MROH7: variants seen among roughly 807,000 people sequenced by gnomAD.
The protein encoded by MROH7 is maestro heat like repeat family member 7.
A neutral mutation model predicts 129.2 loss-of-function variants in MROH7; 113 were observed. That is an observed-to-expected ratio of 0.87 (90% CI 0.75 to 1.02). The LOEUF (loss-of-function observed/expected upper bound fraction) is 1.02. MROH7 is among the 50% of genes least tolerant of loss of function. The pLI, the probability that MROH7 is intolerant of heterozygous loss-of-function variation, is 0.00. For missense variants in MROH7, 1,601 were observed against 1,671.3 expected (o/e 0.96, Z 0.73); for synonymous variants, 655 against 667.9 (o/e 0.98, Z 0.30).
intron 21 of MROH7, among the ~76,000 whole-genome samples, chr1:54,704,896 T>C (rs1362354335): frequency 7.4e-6 from 1 of 135,632 alleles, no homozygotes; most frequent in Non-Finnish European, 1.5e-5. Context: ...GCCTCCCAGG[T>C]TCAAGTGATT....
intron 10 of MROH7, among the ~76,000 whole-genome samples, chr1:54,677,801 C>G (rs1557709742): frequency 6.6e-6 from 1 of 152,082 alleles, no homozygotes; most frequent in Non-Finnish European, 1.5e-5. Context: ...GTGCCGGGTA[C>G]TATTCTAGGA....
intron 20 of MROH7, among the ~76,000 whole-genome samples, 172 bp downstream of exon 20, chr1:54,702,417 G>A (rs1260105372): frequency 6.6e-6 from 1 of 152,154 alleles, no homozygotes; most frequent in Non-Finnish European, 1.5e-5. Flanking sequence ...AACACGGCCA[G>A]CTTCTGGTCA....
Position 54,700,323 on chromosome 1 carries a change from C to A in MROH7, c.2967C>A (p.Leu989=). Residue 989 remains leucine (L), a splice_region_variant and synonymous_variant, in exon 18 of 24, where the codon CTC becomes CTA. Transcript: ENST00000421030. The stretch of plus-strand genomic sequence containing the variant: ...GTAATGACCCTTTGCTCCCTCAGCT[C>A]CTCCAGATGGAGCAGGTGCGCCGGA... ...RITATAFFVE[L]LQMEQVRRIP... 2 of 1,614,140 alleles carry A rather than the reference C, an allele frequency of 1.2e-6. No homozygotes were observed. Among genetic ancestry groups the A allele is most frequent in the Non-Finnish European group, 1.7e-6 (2 of 1,180,018 alleles).
chr1:54,686,401 C>A lies in MROH7; in HGVS notation c.2664C>A (p.Pro888=). The A allele has an allele frequency of 6.2e-7, 1 of 1,614,144 alleles. No homozygotes were observed. The highest frequency in any genetic ancestry group is 8.5e-7 in the Non-Finnish European group (1 of 1,180,030). ...GLNLPGCVAP[P]KDTKKGAQPS... ...ACCTGCCTGGCTGCGTGGCTCCTCC[C>A]AAGGACACCAAGAAGGGTGCACAGC... The change falls in exon 15 of 24, where the codon CCC becomes CCA. Residue 888 remains proline, a synonymous_variant. Transcript: ENST00000421030.
At chr1:54,670,238 G>T (rs1402867093) in intron 5 of MROH7, among the ~76,000 whole-genome samples, 1 of 152,196 alleles carries the variant, frequency 6.6e-6, no homozygotes, top group African/African-American at 2.4e-5. Context: ...GGAGGCCAAG[G>T]CAGGAGGATG....
intron 8 of MROH7, among the ~76,000 whole-genome samples, chr1:54,673,407 G>A (rs953147947): frequency 6.6e-6 from 1 of 151,968 alleles, no homozygotes; most frequent in African/African-American, 2.4e-5. Context: ...GCTGCCCATG[G>A]TTATAGCTGC....
chr1:54,663,253 A>G (rs190338019), intron 3 of MROH7, among the ~76,000 whole-genome samples: 1 of 152,236 alleles, frequency 6.6e-6, no homozygotes, highest in Non-Finnish European at 1.5e-5. Context: ...TCAATGGGCT[A>G]TAATCCGTTT....
rs200130362 is a variant in MROH7, at chr1:54,695,452, G to A, written c.2926G>A (p.Glu976Lys). The A allele has an allele frequency of 6.7e-4, 1,081 of 1,613,918 alleles. No individual in the cohort carries two copies. The highest frequency in any genetic ancestry group is 1.0e-3 in the East Asian group (45 of 44,866). The change falls in exon 17 of 24, where the codon GAG becomes AAG. Residue 976 changes from glutamate (E) to lysine (K), a missense_variant. Physicochemically the swap from Glu to Lys is moderately conservative, Grantham distance 56. Coordinates refer to ENST00000421030, the MANE Select transcript of MROH7 (RefSeq NM_001039464.4). ...LLIPLLERGD[E>K]KHRITATAFF... ...CATCCCGCTCCTGGAGCGAGGCGAC[G>A]AGAAGCACAGGATCACGGCCACCGC...
chr1:54,662,830 C>T (rs1357747030), intron 3 of MROH7, among the ~76,000 whole-genome samples: 2 of 152,190 alleles, frequency 1.3e-5, no homozygotes, highest in African/African-American at 4.8e-5. Flanking sequence ...CTCCTGCAGT[C>T]CTCAGCCTTT....
In MROH7 at chr1:54,686,268, G is replaced by C. The variant is rs746410473; in HGVS notation, c.2531G>C (p.Gly844Ala). The change falls in exon 15 of 24, where the codon GGC (glycine) becomes GCC (alanine). Residue 844 changes from glycine (G) to alanine (A), a missense_variant. Gly to Ala is a moderately conservative substitution (Grantham distance 60). Transcript: ENST00000421030. ...ASIVPLAAAS[G>A]LCELLSVNSC... ...CCCTCTGCCCCATAGGCAGCCAGCG[G>C]CCTGTGCGAGCTCCTGTCCGTCAAC... 1 of 1,613,120 alleles carries C rather than the reference G, an allele frequency of 6.2e-7. No homozygotes were observed. Among genetic ancestry groups the C allele is most frequent in the Non-Finnish European group, 8.5e-7 (1 of 1,179,532 alleles).
At chr1:54,677,128 G>A (rs1391376236) in intron 10 of MROH7, among the ~76,000 whole-genome samples, 4 of 152,058 alleles carry the variant, frequency 2.6e-5, no homozygotes, top group Admixed American at 6.5e-5. Flanking sequence ...GCCGGGTGCG[G>A]TGGCTCACGC....
Position 54,695,437 on chromosome 1 carries a change from C to T in MROH7, c.2911C>T (p.Leu971=). The change falls in exon 17 of 24, where the codon CTG becomes TTG. Residue 971 remains leucine (L), a synonymous_variant. Coordinates refer to ENST00000421030, the MANE Select transcript of MROH7 (RefSeq NM_001039464.4). The part of the protein sequence containing the change: ...CRILYLLIPL[L]ERGDEKHRIT... ...CATCCTCTACCTGCTCATCCCGCTC[C>T]TGGAGCGAGGCGACGAGAAGCACAG... 2.5e-6 allele frequency: 4 copies of T among 1,613,964 alleles called. 1 individual carries two copies. The Middle Eastern group carries it at 6.6e-4, about 266-fold the overall frequency.
At chr1:54,680,166 G>A (rs1645046814) in intron 13 of MROH7, 121 bp downstream of exon 13, 1 of 812,408 alleles carries the variant, frequency 1.2e-6, no homozygotes, top group Non-Finnish European at 2.0e-6. Flanking sequence ...CCCCCCTTCT[G>A]TGATCTGGGG....
intron 17 of MROH7, chr1:54,698,216 C>T (rs1159858231): frequency 6.3e-6 from 1 of 159,160 alleles, no homozygotes; most frequent in African/African-American, 2.4e-5. Context: ...CTTAACCTGC[C>T]TGTGCCTCTG....
At chr1:54,701,467 G>T in intron 19 of MROH7, 145 bp downstream of exon 19, 1 of 619,574 alleles carries the variant, frequency 1.6e-6, no homozygotes, top group Non-Finnish European at 2.6e-6. Flanking sequence ...GTCCCAGCTG[G>T]TCCACATCTT....
chr1:54,692,335 G>A, intron 15 of MROH7, 89 bp from the exon 16 acceptor site: 1 of 1,539,234 alleles, frequency 6.5e-7, no homozygotes, highest in Non-Finnish European at 8.8e-7. Flanking sequence ...AGTTTGTCGG[G>A]CCAGATGGCA....
chr1:54,673,192 G>C lies in MROH7; in HGVS notation c.1695+6G>C, dbSNP rs1295402672. On this transcript the variant is annotated splice_donor_region_variant and intron_variant, in intron 8 of 23. Transcript: ENST00000421030. ...GGCTGAAGAGCATCTTGGAGGTGCG[G>C]AGATGGGAGGGGCAAGGAAGGGAGG... 41 of 1,607,530 alleles carry C rather than the reference G, an allele frequency of 2.6e-5. No individual in the cohort carries two copies. Among genetic ancestry groups the C allele is most frequent in the Non-Finnish European group, 3.4e-5 (40 of 1,174,772 alleles).
rs748505314 is a variant in MROH7 at position 54,679,292 on chromosome 1, G to A, written c.2079G>A (p.Gln693=). The change falls in exon 12 of 24, where the codon CAG becomes CAA. Residue 693 remains glutamine, a synonymous_variant. Coordinates refer to ENST00000421030, the MANE Select transcript of MROH7 (RefSeq NM_001039464.4). ...TTGGAGACTTCCTGGGGCCCCAGCA[G>A]ATAAAGGACCTGCTGCTGGCCGCCC... ...EEFGDFLGPQ[Q]IKDLLLAALE... 5 of 1,614,236 alleles carry A rather than the reference G, an allele frequency of 3.1e-6. No homozygotes were observed. The South Asian group carries it at 4.4e-5, about 14-fold the overall frequency.
chr1:54,658,997 TCTGATTTG>T, intron 3 of MROH7: 1 of 312,000 alleles, frequency 3.2e-6, no homozygotes, highest in Non-Finnish European at 6.3e-6. Context: ...AGGTGACAAT[TCTGATTTG>T]CATCACCATA....
Sources: allele counts gnomAD v4.1 joint callset (sites outside exome capture counted in the v4.1 genomes callset), GRCh38; gene constraint gnomAD v4.1.1; transcripts MANE v1.5; gene names NCBI Gene and HGNC (gene_info 2026-07-23, HGNC 2026-07-21).